Variants in HSF4 observed in about 807,000 individuals in gnomAD.
The protein encoded by HSF4 is heat shock factor protein 4.
A neutral mutation model predicts 52.0 loss-of-function variants in HSF4; 41 were observed. The ratio of observed to expected loss-of-function variants is 0.79; its 90% CI spans 0.61 to 1.02. The LOEUF is 1.02. HSF4 is among the 50% of genes least tolerant of loss of function. HSF4 has a pLI of 0.00. For synonymous variants in HSF4, 285 were observed against 273.0 expected (o/e 1.04, Z -0.43); for missense variants, 610 against 651.1 (o/e 0.94, Z 0.69).
In HSF4 at chr16:67,165,012, C is replaced by T; in HGVS notation, c.123+78C>T. The stretch of plus-strand genomic sequence containing the variant: ...CAGTGAACACCCATGCCCGCCCAAC[C>T]CCCTCCTGAGACTGGGCCGTGGATC... On this transcript the variant is annotated intron_variant, in intron 1 of 12. Coordinates refer to ENST00000521374, the MANE Select transcript of HSF4 (RefSeq NM_001374675.1). This position sits in a 1 kb window ranked among gnomAD's most constrained non-coding sequence, Gnocchi z 6.9. 1 of 1,432,372 alleles carries T rather than the reference C, an allele frequency of 7.0e-7. No homozygotes were observed. The allele number at this position is 1,432,372 out of a possible 1,614,324, so 88.7% of individuals were successfully genotyped here.
Position 67,169,419 on chromosome 16 carries a change from G to A in HSF4, c.1324+71G>A. 1.3e-6 allele frequency: 2 copies of A among 1,578,500 alleles called. No individual in the cohort carries two copies. The highest frequency in any genetic ancestry group is 2.3e-5 in the East Asian group (1 of 42,846). On this transcript the variant is annotated intron_variant, in intron 12 of 12. Coordinates refer to ENST00000521374, the MANE Select transcript of HSF4 (RefSeq NM_001374675.1). This position sits in a 1 kb window ranked among gnomAD's most constrained non-coding sequence, Gnocchi z 4.3. ...CTGAGCTACCTTGATTGAGTGAGGG[G>A]GCAATCTGCAATTTGCAGGGAAATC...
In HSF4 at chr16:67,165,987, G is replaced by A; in HGVS notation, c.402G>A (p.Glu134=). 6.5e-7 allele frequency: 1 copy of A among 1,550,308 alleles called. No individual in the cohort carries two copies. The highest frequency in any genetic ancestry group is 8.6e-7 in the Non-Finnish European group (1 of 1,156,300). Residue 134 remains glutamate, a synonymous_variant, in exon 4 of 13, where the codon GAG becomes GAA. Coordinates refer to ENST00000521374, the MANE Select transcript of HSF4 (RefSeq NM_001374675.1). This position sits in a 1 kb window ranked among gnomAD's most constrained non-coding sequence, Gnocchi z 6.9. ...LRGDDGRWRP[E]DLGRLLGEVQ... ...GCGACGACGGCCGCTGGCGCCCGGA[G>A]GACCTGGGTCGACTACTGGGCGAGG...
chr16:67,165,461 G>C lies in HSF4; in HGVS notation c.124-61G>C. ...CGCTGGAGCGCAGGACTGGCCGTGA[G>C]CGGGCACCGCTCACCCTCCTGGTCT... On this transcript the variant is annotated intron_variant, in intron 1 of 12. Transcript: ENST00000521374. The surrounding 1 kb of genome is among the most constrained non-coding windows in gnomAD (Gnocchi z 6.9). 1 of 1,469,024 alleles carries C rather than the reference G, an allele frequency of 6.8e-7. No individual in the cohort carries two copies. Among genetic ancestry groups the C allele is most frequent in the South Asian group, 1.1e-5 (1 of 88,242 alleles). The allele number at this position is 1,469,024 out of a possible 1,614,324, so 91.0% of individuals were successfully genotyped here.
chr16:67,167,046 G>A, intron 6 of HSF4, 74 bp from the exon 7 acceptor site: 1 of 1,606,218 alleles, frequency 6.2e-7, no homozygotes, highest in Non-Finnish European at 8.5e-7. Context: ...CTGAGGGAGG[G>A]AGGGAAGTGC....
At chr16:67,163,873 C>CA, upstream of HSF4, 4 of 1,257,752 alleles carry the variant, frequency 3.2e-6, no homozygotes, top group Admixed American at 2.6e-5. Context: ...TGAGAGGGAA[C>CA]GGGGGGGGTG....
intron 6 of HSF4, 45 bp from the exon 7 acceptor site, chr16:67,167,075 G>T (rs2031359368): frequency 1.2e-6 from 2 of 1,613,536 alleles, no homozygotes; most frequent in South Asian, 1.1e-5. Context: ...GTGCATGGGG[G>T]CTGACCCTGC....
Position 67,166,364 on chromosome 16 carries a change from G to A in HSF4, c.530G>A (p.Ser177Asn), listed in dbSNP as rs755472426. Residue 177 changes from serine to asparagine, a missense_variant, in exon 5 of 13, where the codon AGC becomes AAC. By Grantham distance (46) the Ser-to-Asn change is conservative. Transcript: ENST00000521374. ...LWREVVTLRQ[S>N]HGQQHRVIGK... ...CGGGAGGTGGTGACACTTCGGCAGA[G>A]CCACGGTCAGCAGCACCGGGTCATT... 3.7e-6 allele frequency: 6 copies of A among 1,609,340 alleles called. No homozygotes were observed. Among genetic ancestry groups the A allele is most frequent in the Non-Finnish European group, 5.1e-6 (6 of 1,177,974 alleles).
chr16:67,169,743 G>C lies in HSF4; in HGVS notation c.1437G>C (p.Arg479=). ...CCATTTATAGCACTCCTGAGAGCCG[G>C]ACTGCCTCCTACTTGGGCCCGGAAG... ...ALTIYSTPES[R]TASYLGPEAS... Residue 479 remains arginine (R), a synonymous_variant, in exon 13 of 13, where the codon CGG becomes CGC. Transcript: ENST00000521374. This position sits in a 1 kb window ranked among gnomAD's most constrained non-coding sequence, Gnocchi z 4.3. 1 of 1,613,048 alleles carries C rather than the reference G, an allele frequency of 6.2e-7. No homozygotes were observed. Among genetic ancestry groups the C allele is most frequent in the Non-Finnish European group, 8.5e-7 (1 of 1,180,000 alleles).
upstream of HSF4, chr16:67,163,920 G>A (rs2031050809): frequency 3.3e-6 from 5 of 1,498,710 alleles, no homozygotes; most frequent in African/African-American, 1.4e-5. Flanking sequence ...CTTCTTTTGG[G>A]ATTGTTGCCC....
Position 67,167,209 on chromosome 16 carries a change from A to T in HSF4, c.716A>T (p.Tyr239Phe), listed in dbSNP as rs1451032092. 3 of 1,614,074 alleles carry T rather than the reference A, an allele frequency of 1.9e-6. No homozygotes were observed. In the South Asian group the frequency reaches 3.3e-5, roughly 18 times the overall value. The change falls in exon 7 of 13, where the codon TAC becomes TTC. Residue 239 changes from tyrosine to phenylalanine, a missense_variant. Coordinates refer to ENST00000521374, the MANE Select transcript of HSF4 (RefSeq NM_001374675.1). ...PLPGALLQDP[Y>F]FIQSPLPETN... ...CCTGGTGCCCTTCTGCAGGACCCCT[A>T]CTTCATCCAGTCGGTAGGTTTGTCT... is the stretch of plus-strand genomic sequence containing the variant.
chr16:67,167,459 A>AG lies in HSF4; in HGVS notation c.730-15dup. 1 of 1,613,820 alleles carries AG rather than the reference A, an allele frequency of 6.2e-7. No homozygotes were observed. Among genetic ancestry groups the AG allele is most frequent in the Non-Finnish European group, 8.5e-7 (1 of 1,180,032 alleles). ...TGCCTACAGGCCAAGGGCTGGGCCTAGCCTTCTACTTACAGCCTCTCCCAG... is the reference window on the plus strand; with the variant it reads ...TGCCTACAGGCCAAGGGCTGGGCCTAGGCCTTCTACTTACAGCCTCTCCCAG... On this transcript the variant is annotated splice_polypyrimidine_tract_variant and intron_variant, in intron 7 of 12. Transcript: ENST00000521374.
At position 67,165,430 on chromosome 16, in the gene HSF4, T is replaced by TGC; in HGVS notation, c.124-85_124-84dup. ...GGACCCAAGAGTGAGCATGAGTGTG[T>TGC]GCGCGCGCTGGAGCGCAGGACTGGC... On this transcript the variant is annotated intron_variant, in intron 1 of 12. Coordinates refer to ENST00000521374, the MANE Select transcript of HSF4 (RefSeq NM_001374675.1). The surrounding 1 kb of genome is among the most constrained non-coding windows in gnomAD (Gnocchi z 6.9). 1 of 1,162,922 alleles carries TGC rather than the reference T, an allele frequency of 8.6e-7. No individual in the cohort carries two copies. The highest frequency in any genetic ancestry group is 1.3e-6 in the Non-Finnish European group (1 of 774,106). The allele number at this position is 1,162,922 out of a possible 1,614,324, so 72.0% of individuals were successfully genotyped here.
At chr16:67,164,996 C>T in intron 1 of HSF4, 62 bp downstream of exon 1, 2 of 1,475,670 alleles carry the variant, frequency 1.4e-6, no homozygotes, top group Non-Finnish European at 1.8e-6. Flanking sequence ...TCAGTGAACA[C>T]CCATGCCCGC....
At position 67,169,205 on chromosome 16, in the gene HSF4, TCA is replaced by T. The variant is rs2031555378; in HGVS notation, c.1255-71_1255-70del. ...CAAAGCCGTGTCTCTAGAAGAATTG[TCA>T]CAGTGATTTCCCAGCTGTCCCCCTC... On this transcript the variant is annotated intron_variant, in intron 11 of 12. Transcript: ENST00000521374. The surrounding 1 kb of genome is among the most constrained non-coding windows in gnomAD (Gnocchi z 4.3). 3.1e-6 allele frequency: 5 copies of T among 1,607,846 alleles called. No homozygotes were observed. In the East Asian group the frequency reaches 1.1e-4, roughly 36 times the overall value.
intron 5 of HSF4, 73 bp downstream of exon 5, chr16:67,166,468 G>A (rs1318401133): frequency 6.9e-6 from 11 of 1,593,126 alleles, no homozygotes; most frequent in Non-Finnish European, 9.5e-6. Context: ...GTCCCCCGGC[G>A]CCCCTGTTAA....
At position 67,166,012 on chromosome 16, in the gene HSF4, G is replaced by A; in HGVS notation, c.427G>A (p.Val143Met). The A allele has an allele frequency of 6.5e-7, 1 of 1,538,816 alleles. No individual in the cohort carries two copies. The highest frequency in any genetic ancestry group is 8.7e-7 in the Non-Finnish European group (1 of 1,149,694). The change falls in exon 4 of 13, where the codon GTG becomes ATG. Residue 143 changes from valine to methionine, a missense_variant. Physicochemically the swap from Val to Met is conservative, Grantham distance 21. Coordinates refer to ENST00000521374, the MANE Select transcript of HSF4 (RefSeq NM_001374675.1). ...PEDLGRLLGE[V>M]QALRGVQEST... ...GGACCTGGGTCGACTACTGGGCGAG[G>A]TGCAGGCTTTGCGGGGAGTGCAGGA...
In HSF4 at chr16:67,165,724, T is replaced by C. The variant is rs1192331346; in HGVS notation, c.238T>C (p.Phe80Leu). The change falls in exon 3 of 13, where the codon TTT becomes CTT. Residue 80 changes from phenylalanine (F) to leucine (L), a missense_variant. Coordinates refer to ENST00000521374, the MANE Select transcript of HSF4 (RefSeq NM_001374675.1). The surrounding 1 kb of genome is among the most constrained non-coding windows in gnomAD (Gnocchi z 6.9). ...CCCCACGCCCCACTCCCCAGACGGT[T>C]TTCGGAAGGTGGTGAGCATCGAGCA... ...SFVRQLNMYG[F>L]RKVVSIEQGG... 1.2e-6 allele frequency: 2 copies of C among 1,611,674 alleles called. No individual in the cohort carries two copies. Among genetic ancestry groups the C allele is most frequent in the South Asian group, 2.2e-5 (2 of 91,054 alleles).
At chr16:67,163,853 G>T (rs755783940), upstream of HSF4, 1 of 1,512,470 alleles carries the variant, frequency 6.6e-7, no homozygotes. Flanking sequence ...CCCCGTGGAC[G>T]TAAGCGCTCT....
At chr16:67,166,720 A>T in intron 6 of HSF4, 98 bp downstream of exon 6, 1 of 1,139,096 alleles carries the variant, frequency 8.8e-7, no homozygotes, top group African/African-American at 1.5e-5. Context: ...CTTCACCGGG[A>T]ATCCTCATTC....
Sources: allele counts gnomAD v4.1 joint callset, GRCh38; gene constraint gnomAD v4.1.1; non-coding constraint Gnocchi (gnomAD v3.1); transcripts MANE v1.5; gene names NCBI Gene and HGNC (gene_info 2026-07-23, HGNC 2026-07-21).